WEE2: variants seen among roughly 807,000 people sequenced by gnomAD.
The protein encoded by WEE2 is WEE2 oocyte meiosis inhibiting kinase, also known as wee1-like protein kinase 2.
A neutral mutation model predicts 60.1 loss-of-function variants in WEE2; 50 were observed. The ratio of observed to expected loss-of-function variants is 0.83; its 90% CI spans 0.66 to 1.05. The LOEUF (loss-of-function observed/expected upper bound fraction) is 1.05. Among genes scored for constraint, WEE2 ranks in the 50% least tolerant of loss-of-function variants. The pLI, the probability that WEE2 is intolerant of heterozygous loss-of-function variation, is 0.00. For missense variants in WEE2, 631 were observed against 684.3 expected, an observed-to-expected ratio of 0.92 and a Z score of 0.87; for synonymous variants, 240 against 241.0, an observed-to-expected ratio of 1.00 and a Z score of 0.04.
chr7:141,721,612 C>T (rs1363067903), intron 5 of WEE2, among the ~76,000 whole-genome samples: 3 of 152,114 alleles, frequency 2.0e-5, no homozygotes, highest in Non-Finnish European at 4.4e-5. Context: ...ACACCTGCCA[C>T]CATGCCTGGC....
intron 9 of WEE2, 147 bp downstream of exon 9, chr7:141,725,343 G>A (rs1208579267): frequency 8.4e-6 from 8 of 952,842 alleles, no homozygotes; most frequent in South Asian, 1.8e-5. Flanking sequence ...AATAAGGGGC[G>A]GGTCCAGGCA....
intron 4 of WEE2, chr7:141,720,668 A>T: frequency 2.3e-6 from 1 of 430,256 alleles, no homozygotes; most frequent in Non-Finnish European, 4.1e-6. Flanking sequence ...AAAACAATGG[A>T]CTTTGGCACC....
At chr7:141,709,178 C>T in intron 1 of WEE2, 78 bp downstream of exon 1, 1 of 1,192,308 alleles carries the variant, frequency 8.4e-7, no homozygotes, top group East Asian at 2.3e-5. Context: ...AGAGTGGATT[C>T]ATGTGTGTAT....
intron 4 of WEE2, 102 bp from the exon 5 acceptor site, chr7:141,720,833 A>G (rs1358961664): frequency 6.3e-6 from 8 of 1,279,884 alleles, no homozygotes; most frequent in Non-Finnish European, 8.8e-6. Flanking sequence ...CTCTCAATAA[A>G]TATTCTGCCA....
intron 3 of WEE2, among the ~76,000 whole-genome samples, chr7:141,717,147 ATC>A (rs1410018205): frequency 6.6e-6 from 1 of 152,216 alleles, no homozygotes; most frequent in African/African-American, 2.4e-5. Context: ...GACCATAACT[ATC>A]TATTGCACAT....
At chr7:141,720,872 A>C (rs546814942) in intron 4 of WEE2, 63 bp from the exon 5 acceptor site, 2 of 1,574,636 alleles carry the variant, frequency 1.3e-6, no homozygotes, top group East Asian at 2.3e-5. Flanking sequence ...ATTTTTAAGA[A>C]ACATTTTTGT....
chr7:141,723,653 C>T (rs1166596025), intron 6 of WEE2, among the ~76,000 whole-genome samples: 1 of 151,996 alleles, frequency 6.6e-6, no homozygotes, highest in African/African-American at 2.4e-5. Context: ...AATGTGAAAC[C>T]CAAGGACAAG....
At chr7:141,715,785 G>T (rs901177538) in intron 2 of WEE2, among the ~76,000 whole-genome samples, 12 of 152,146 alleles carry the variant, frequency 7.9e-5, no homozygotes, top group Admixed American at 2.6e-4. Context: ...TCCCAGTTCT[G>T]CCACTTGCTA....
At chr7:141,719,505 CAGTGGTGTGA>C (rs1206294320) in intron 4 of WEE2, among the ~76,000 whole-genome samples, 1 of 152,180 alleles carries the variant, frequency 6.6e-6, no homozygotes, top group Non-Finnish European at 1.5e-5. Context: ...GGCTAGAGTG[CAGTGGTGTGA>C]TCTTGGCTCA....
In WEE2 at chr7:141,723,989, T is replaced by C. The variant is rs749261746; in HGVS notation, c.1076T>C (p.Ile359Thr). The C allele has an allele frequency of 1.1e-5, 17 of 1,613,066 alleles. No homozygotes were observed. The South Asian group carries it at 1.3e-4, about 13-fold the overall frequency. The change falls in exon 7 of 12, where the codon ATA becomes ACA. Residue 359 changes from isoleucine to threonine, a missense_variant. Physicochemically the swap from Ile to Thr is moderately conservative, Grantham distance 89. Coordinates refer to ENST00000397541, the MANE Select transcript of WEE2 (RefSeq NM_001105558.1). ...ATGCAAAGTGAATCCTCTGGAGTCA[T>C]AGAAGAAGTTGAAAATGAAGCTGAT... ...HKMQSESSGV[I>T]EEVENEADWF... is the part of the protein sequence containing the mutation.
At position 141,726,998 on chromosome 7, in the gene WEE2, A is replaced by G. The variant is rs139718593; in HGVS notation, c.1393-306A>G. On this transcript the variant is annotated intron_variant, in intron 9 of 11. Transcript: ENST00000397541. ...GGTTTTGGTCTTGTCCATTCCAGTA[A>G]TTTGGATAATTTTTATCGAGAGTCT... Among the ~76,000 whole-genome samples the G allele has an allele frequency of 1.9e-3, 293 of 152,310 alleles. 1 individual carries two copies. Among genetic ancestry groups the G allele is most frequent in the African/African-American group, 6.4e-3 (265 of 41,570 alleles).
Position 141,725,173 on chromosome 7 carries a change from G to A in WEE2, c.1369G>A (p.Glu457Lys). ...NFPDVPQELS[E>K]SFSSLLKNMI... ...TCCGGACGTTCCTCAGGAGCTCTCA[G>A]AAAGCTTTTCCAGTCTGCTCAAGGT... Residue 457 changes from glutamate to lysine, a missense_variant, in exon 9 of 12, where the codon GAA becomes AAA. Coordinates refer to ENST00000397541, the MANE Select transcript of WEE2 (RefSeq NM_001105558.1). 6.2e-7 allele frequency: 1 copy of A among 1,614,128 alleles called. No homozygotes were observed. The highest frequency in any genetic ancestry group is 1.3e-5 in the African/African-American group (1 of 75,066).
At chr7:141,718,674 A>C (rs143842955) in intron 3 of WEE2, among the ~76,000 whole-genome samples, 1 of 152,260 alleles carries the variant, frequency 6.6e-6, no homozygotes, top group Non-Finnish European at 1.5e-5. Context: ...AGACTTTAAG[A>C]CACATAAAGA....
chr7:141,718,998 T>A, intron 3 of WEE2, 74 bp from the exon 4 acceptor site: 1 of 1,469,808 alleles, frequency 6.8e-7, no homozygotes, highest in Non-Finnish European at 9.3e-7. Context: ...AACTTAGGAC[T>A]GTAATACTGT....
chr7:141,714,876 C>T (rs955312005), intron 2 of WEE2, among the ~76,000 whole-genome samples: 2 of 152,130 alleles, frequency 1.3e-5, no homozygotes, highest in African/African-American at 4.8e-5. Context: ...GCATTGCTTT[C>T]AGAGCTGCTA....
intron 4 of WEE2, 188 bp from the exon 5 acceptor site, chr7:141,720,747 G>T (rs796456920): frequency 1.4e-6 from 1 of 690,538 alleles, no homozygotes; most frequent in South Asian, 2.3e-5. Flanking sequence ...ACTTTCAACA[G>T]CCTTCATTGT....
chr7:141,727,735 G>A (rs1799045533), intron 10 of WEE2: 1 of 352,162 alleles, frequency 2.8e-6, no homozygotes, highest in African/African-American at 2.1e-5. Flanking sequence ...GATTCTAAGT[G>A]ACAGCAGGTA....
In WEE2 at chr7:141,719,300, T is replaced by G. The variant is rs1798862582; in HGVS notation, c.758+56T>G. 2.7e-6 allele frequency: 4 copies of G among 1,477,706 alleles called. No homozygotes were observed. In the Admixed American group the frequency reaches 8.7e-5, roughly 32 times the overall value. 91.5% of individuals were successfully genotyped at this position (1,477,706 alleles called of 1,614,324 possible). On this transcript the variant is annotated intron_variant, in intron 4 of 11. Transcript: ENST00000397541. Reference sequence around the variant, plus strand: ...AAACTTAGATTTGGAGAGTTGTTTCTTGTCAAATTATTTTAAATTAAAGCA... The same window carrying G: ...AAACTTAGATTTGGAGAGTTGTTTCGTGTCAAATTATTTTAAATTAAAGCA...
At chr7:141,715,223 T>C (rs1170000353) in intron 2 of WEE2, among the ~76,000 whole-genome samples, 1 of 152,182 alleles carries the variant, frequency 6.6e-6, no homozygotes, top group East Asian at 1.9e-4. Flanking sequence ...TCAGCACAAG[T>C]CCACCCACCT....
Sources: allele counts gnomAD v4.1 joint callset (sites outside exome capture counted in the v4.1 genomes callset), GRCh38; gene constraint gnomAD v4.1.1; transcripts MANE v1.5; gene names NCBI Gene and HGNC (gene_info 2026-07-23, HGNC 2026-07-21).